Variants in SLC9A7 observed in about 807,000 individuals in gnomAD.
The protein encoded by SLC9A7 is solute carrier family 9 member A7, also known as sodium/hydrogen exchanger 7.
A neutral mutation model predicts 52.6 loss-of-function variants in SLC9A7; 19 were observed. The observed-to-expected ratio is 0.36, with a 90% CI of 0.25 to 0.53. SLC9A7 has a LOEUF of 0.53. Ranked by LOEUF, SLC9A7 falls within the 20% of genes least tolerant of loss-of-function variation. SLC9A7 has a pLI of 0.91. For synonymous variants in SLC9A7, 226 were observed against 252.1 expected (o/e 0.90, Z 0.98); for missense variants, 455 against 597.9 (o/e 0.76, Z 2.49).
intron 11 of SLC9A7, among the ~76,000 whole-genome samples, chrX:46,645,302 C>T (rs1316610243): frequency 8.9e-6 from 1 of 112,090 alleles, no homozygotes; most frequent in African/African-American, 3.2e-5. Flanking sequence ...AGCTTATCAC[C>T]GTCCTCTTCA....
At chrX:46,648,288 G>A (rs1242308499) in intron 11 of SLC9A7, among the ~76,000 whole-genome samples, 2 of 112,005 alleles carry the variant, frequency 1.8e-5, no homozygotes, top group Non-Finnish European at 3.8e-5. Context: ...TACTGCGGCT[G>A]GGAGGTGTTG....
chrX:46,656,979 C>A (rs1230749269), intron 7 of SLC9A7, among the ~76,000 whole-genome samples: 1 of 105,750 alleles, frequency 9.5e-6, no homozygotes, highest in Non-Finnish European at 1.9e-5. Context: ...AGAGAAAGGT[C>A]GGGTTACCCT....
chrX:46,661,977 C>T lies in SLC9A7; in HGVS notation c.1041+39G>A, dbSNP rs769408164. The T allele has an allele frequency of 1.6e-4, 183 of 1,135,301 alleles. No homozygotes were observed. The South Asian group carries it at 3.6e-3, about 22-fold the overall frequency. 93.6% of individuals were successfully genotyped at this position (1,135,301 alleles called of 1,213,427 possible). Reference sequence around the variant, plus strand: ...CTTTTTGAAAGTGTAATGCCACACACGCATACCCAGGCCCGAGCTGAAACT... The same window carrying T: ...CTTTTTGAAAGTGTAATGCCACACATGCATACCCAGGCCCGAGCTGAAACT... On this transcript the variant is annotated intron_variant, in intron 7 of 16. Coordinates refer to ENST00000616978, the MANE Select transcript of SLC9A7 (RefSeq NM_001257291.2).
At chrX:46,712,525 C>T (rs1310135954) in intron 1 of SLC9A7, among the ~76,000 whole-genome samples, 2 of 111,558 alleles carry the variant, frequency 1.8e-5, no homozygotes, top group African/African-American at 6.5e-5. Flanking sequence ...CAACCAGGCC[C>T]ACCTCCAACA....
intron 1 of SLC9A7, among the ~76,000 whole-genome samples, chrX:46,702,431 C>T (rs903460755): frequency 4.5e-5 from 5 of 111,494 alleles, no homozygotes; most frequent in Admixed American, 9.5e-5. Flanking sequence ...TTTCAATCCA[C>T]ACCCCCATCT....
At chrX:46,704,284 T>C (rs1944573866) in intron 1 of SLC9A7, among the ~76,000 whole-genome samples, 1 of 112,321 alleles carries the variant, frequency 8.9e-6, no homozygotes, top group African/African-American at 3.2e-5. Context: ...TGGAATGTGG[T>C]CGTCACTCAA....
intron 1 of SLC9A7, among the ~76,000 whole-genome samples, chrX:46,720,632 C>T (rs902680007): frequency 3.6e-5 from 4 of 111,272 alleles, no homozygotes; most frequent in African/African-American, 9.8e-5. Flanking sequence ...AAAGCACTGG[C>T]ACCTGCCAAT....
chrX:46,657,500 T>C (rs1446334480), intron 7 of SLC9A7, among the ~76,000 whole-genome samples: 1 of 109,634 alleles, frequency 9.1e-6, no homozygotes, highest in African/African-American at 3.3e-5. Context: ...GAGACACACA[T>C]AGGCTCAAAA....
At chrX:46,652,868 A>G (rs1168362597) in intron 8 of SLC9A7, among the ~76,000 whole-genome samples, 1 of 112,398 alleles carries the variant, frequency 8.9e-6, no homozygotes, top group East Asian at 2.8e-4. Flanking sequence ...TAAATAGCCC[A>G]GAAACAAAAC....
At chrX:46,657,595 T>C (rs1312696575) in intron 7 of SLC9A7, among the ~76,000 whole-genome samples, 3 of 107,290 alleles carry the variant, frequency 2.8e-5, no homozygotes, top group African/African-American at 1.0e-4. Context: ...AAAACAGACT[T>C]TAAACCAACA....
intron 7 of SLC9A7, among the ~76,000 whole-genome samples, chrX:46,657,309 A>C (rs1190094209): frequency 1.8e-5 from 2 of 109,732 alleles, no homozygotes; most frequent in African/African-American, 6.6e-5. Context: ...AAGAAACTGC[A>C]TCAACTAATG....
chrX:46,697,381 G>C (rs896593102), intron 1 of SLC9A7, among the ~76,000 whole-genome samples: 1 of 111,922 alleles, frequency 8.9e-6, no homozygotes, highest in Non-Finnish European at 1.9e-5. Context: ...GTTATGTTGC[G>C]GGAAGTCAGG....
In SLC9A7 at chrX:46,693,361, G is replaced by A. The variant is rs1321549361; in HGVS notation, c.326-10826C>T. On this transcript the variant is annotated intron_variant, in intron 1 of 16. Transcript: ENST00000616978. ...TTTCAAAACTCACTACAAAGATAGT[G>A]TGGTAGTGGTATAAGGATAGACACA... is the stretch of plus-strand genomic sequence containing the variant. 2.7e-5 allele frequency among the ~76,000 whole-genome samples: 3 copies of A among 111,703 alleles called. No homozygotes were observed. In the East Asian group the frequency reaches 8.4e-4, roughly 31 times the overall value.
intron 11 of SLC9A7, among the ~76,000 whole-genome samples, 176 bp downstream of exon 11, chrX:46,648,510 A>G (rs1943529010): frequency 8.9e-6 from 1 of 112,210 alleles, no homozygotes; most frequent in Admixed American, 9.5e-5. Context: ...TACGGTTTGC[A>G]AAATCAACAC....
At chrX:46,756,052 T>G (rs1276317737) in intron 1 of SLC9A7, among the ~76,000 whole-genome samples, 4 of 110,075 alleles carry the variant, frequency 3.6e-5, no homozygotes, top group African/African-American at 1.3e-4. Flanking sequence ...TCTTCTCAGA[T>G]TAAAGTGTCA....
intron 8 of SLC9A7, among the ~76,000 whole-genome samples, chrX:46,652,549 C>T (rs1473775590): frequency 2.7e-5 from 3 of 112,014 alleles, no homozygotes; most frequent in African/African-American, 9.7e-5. Context: ...TAATGGTAAC[C>T]ATTTTGTTGT....
At chrX:46,690,257 C>T (rs1373971471) in intron 1 of SLC9A7, among the ~76,000 whole-genome samples, 1 of 112,265 alleles carries the variant, frequency 8.9e-6, no homozygotes, top group Non-Finnish European at 1.9e-5. Context: ...TTGCCAATAT[C>T]TCTCATTTTA....
chrX:46,687,338 G>A, intron 1 of SLC9A7, among the ~76,000 whole-genome samples: 1 of 112,079 alleles, frequency 8.9e-6, no homozygotes, highest in Non-Finnish European at 1.9e-5. Flanking sequence ...CCACCACTGT[G>A]GAGTTTTTTA....
intron 16 of SLC9A7, among the ~76,000 whole-genome samples, chrX:46,610,925 A>T (rs982134920): frequency 8.9e-6 from 1 of 112,648 alleles, no homozygotes; most frequent in Admixed American, 9.4e-5. Context: ...TATTACATAG[A>T]CATGAAAAGT....
Sources: allele counts gnomAD v4.1 joint callset (sites outside exome capture counted in the v4.1 genomes callset), GRCh38; gene constraint gnomAD v4.1.1; transcripts MANE v1.5; gene names NCBI Gene and HGNC (gene_info 2026-07-23, HGNC 2026-07-21).